Variants in GTF2F2 observed in about 807,000 individuals in gnomAD.
GTF2F2 encodes the protein general transcription factor IIF subunit 2, also known as ATP-dependent helicase GTF2F2.
A neutral mutation model predicts 42.2 loss-of-function variants in GTF2F2; 23 were observed. That is an observed-to-expected ratio of 0.55 (90% CI 0.39 to 0.77). The LOEUF is 0.77. GTF2F2 is among the 30% of genes least tolerant of loss of function. The probability of loss-of-function intolerance (pLI) is 0.00; values close to 1 mark genes in which losing one functional copy is unlikely to be tolerated. For synonymous variants in GTF2F2, 105 were observed against 100.8 expected (o/e 1.04, Z -0.25); for missense variants, 261 against 287.2 (o/e 0.91, Z 0.66).
chr13:45,183,395 C>T (rs1872255381), intron 4 of GTF2F2, among the ~76,000 whole-genome samples: 1 of 152,142 alleles, frequency 6.6e-6, no homozygotes, highest in African/African-American at 2.4e-5. Context: ...TGGCTTCCAT[C>T]CTCAGGGGGA....
chr13:45,127,938 C>CTTT (rs1161627204), intron 1 of GTF2F2, among the ~76,000 whole-genome samples: 1,067 of 48,618 alleles, frequency 0.022, 69 homozygotes, highest in Non-Finnish European at 0.025. Context: ...GCACCCCGGC[C>CTTT]TTTTTTTTTT....
At chr13:45,248,398 G>GT (rs1028092806) in intron 5 of GTF2F2, among the ~76,000 whole-genome samples, 5 of 151,782 alleles carry the variant, frequency 3.3e-5, no homozygotes, top group East Asian at 3.9e-4. Context: ...TTTGCACCAA[G>GT]TTTTTTTTGT....
chr13:45,196,279 C>G (rs984197821), intron 4 of GTF2F2, among the ~76,000 whole-genome samples: 1 of 152,114 alleles, frequency 6.6e-6, no homozygotes, highest in Non-Finnish European at 1.5e-5. Flanking sequence ...ACATTGCATT[C>G]CAGAGAATTT....
intron 4 of GTF2F2, among the ~76,000 whole-genome samples, chr13:45,182,934 C>T (rs1488276378): frequency 6.6e-6 from 1 of 152,074 alleles, no homozygotes; most frequent in Admixed American, 6.5e-5. Flanking sequence ...GTCAGGCAGG[C>T]TGGGTTCCCT....
rs1472395179 is a variant in GTF2F2, at chr13:45,267,225, G to A, written c.487-8G>A. On this transcript the variant is annotated splice_region_variant and splice_polypyrimidine_tract_variant and intron_variant, in intron 6 of 7. Coordinates refer to ENST00000340473, the MANE Select transcript of GTF2F2 (RefSeq NM_004128.3). ...GATGCTTTTATTTCCTTTGCTGTTT[G>A]CATATAGATCGAATATGAAAGGAAA... 1 of 1,606,986 alleles carries A rather than the reference G, an allele frequency of 6.2e-7. No individual in the cohort carries two copies. Among genetic ancestry groups the A allele is most frequent in the East Asian group, 2.2e-5 (1 of 44,790 alleles).
intron 4 of GTF2F2, among the ~76,000 whole-genome samples, chr13:45,155,127 G>C (rs930410899): frequency 1.3e-5 from 2 of 152,206 alleles, no homozygotes; most frequent in Non-Finnish European, 2.9e-5. Context: ...GATGGTACCA[G>C]AGCTTTCATT....
chr13:45,139,038 C>G (rs1869780177), intron 2 of GTF2F2, among the ~76,000 whole-genome samples: 1 of 152,208 alleles, frequency 6.6e-6, no homozygotes, highest in Non-Finnish European at 1.5e-5. Context: ...AGCAATGAGT[C>G]CATCTCAGCG....
At chr13:45,178,371 G>A (rs1173864205) in intron 4 of GTF2F2, among the ~76,000 whole-genome samples, 1 of 147,708 alleles carries the variant, frequency 6.8e-6, no homozygotes, top group Non-Finnish European at 1.5e-5. Context: ...GATGTCTTAT[G>A]TGGTTCTTTT....
intron 4 of GTF2F2, among the ~76,000 whole-genome samples, chr13:45,196,194 T>A (rs1384992219): frequency 6.6e-6 from 1 of 152,220 alleles, no homozygotes; most frequent in African/African-American, 2.4e-5. Context: ...ACTAGAAAAC[T>A]AAGGCATAAT....
At chr13:45,153,793 CA>C (rs1870617643) in intron 4 of GTF2F2, among the ~76,000 whole-genome samples, 1 of 151,776 alleles carries the variant, frequency 6.6e-6, no homozygotes, top group African/African-American at 2.4e-5. Flanking sequence ...ACCAGGCCAA[CA>C]TGGTGAAACC....
intron 7 of GTF2F2, among the ~76,000 whole-genome samples, chr13:45,273,244 T>A (rs577952363): frequency 1.5e-4 from 23 of 151,978 alleles, no homozygotes; most frequent in African/African-American, 4.1e-4. Flanking sequence ...GCTAATTTTT[T>A]AAAATTTTTT....
At chr13:45,134,098 T>A (rs984958112) in intron 1 of GTF2F2, among the ~76,000 whole-genome samples, 1 of 152,242 alleles carries the variant, frequency 6.6e-6, no homozygotes, top group African/African-American at 2.4e-5. Context: ...GGACATTTGC[T>A]TCTTTAACCA....
intron 4 of GTF2F2, among the ~76,000 whole-genome samples, chr13:45,154,189 T>G (rs998571265): frequency 6.6e-6 from 1 of 152,104 alleles, no homozygotes; most frequent in African/African-American, 2.4e-5. Flanking sequence ...TGAACTTTTT[T>G]TTGTAGAAAA....
chr13:45,273,211 C>T (rs908642231), intron 7 of GTF2F2, among the ~76,000 whole-genome samples: 4 of 149,812 alleles, frequency 2.7e-5, no homozygotes, highest in African/African-American at 9.8e-5. Flanking sequence ...CAGGTGTGAG[C>T]CACCGTGCCC....
rs7991499 is a variant in GTF2F2 at position 45,244,086 on chromosome 13, G to A, written c.387-8785G>A. On this transcript the variant is annotated intron_variant, in intron 5 of 7. Transcript: ENST00000340473. ...GGTGATTATGAACCATGGTTATGTC[G>A]CAATGACTTAGTGACACTGAGTTAC... Among the ~76,000 whole-genome samples the A allele has an allele frequency of 1.4e-4, 22 of 152,020 alleles. 1 individual carries two copies. The highest frequency in any genetic ancestry group is 4.6e-4 in the African/African-American group (19 of 41,458).
At chr13:45,246,808 C>T (rs766653918) in intron 5 of GTF2F2, among the ~76,000 whole-genome samples, 2 of 151,862 alleles carry the variant, frequency 1.3e-5, no homozygotes, top group Non-Finnish European at 1.5e-5. Context: ...GAGGCCAATG[C>T]GGGCGGATCA....
chr13:45,174,743 A>G (rs977002134), intron 4 of GTF2F2, among the ~76,000 whole-genome samples: 1 of 151,330 alleles, frequency 6.6e-6, no homozygotes, highest in Non-Finnish European at 1.5e-5. Context: ...TTCAGAGGGA[A>G]GGAGAGGGAG....
intron 4 of GTF2F2, among the ~76,000 whole-genome samples, chr13:45,180,088 A>G (rs1225489627): frequency 1.3e-5 from 2 of 152,200 alleles, no homozygotes; most frequent in East Asian, 1.9e-4. Flanking sequence ...ATAATCCTCA[A>G]AATAACGTCT....
In GTF2F2 at chr13:45,278,824, T is replaced by C. The variant is rs529573338; in HGVS notation, c.631-4618T>C. On this transcript the variant is annotated intron_variant, in intron 7 of 7. Transcript: ENST00000340473. ...TTTGCCTTTTTCTTTTTCTTTTTTTTTTTTTTTTTTTTTTTTTGAGGTGGA... is the reference window on the plus strand; with the variant it reads ...TTTGCCTTTTTCTTTTTCTTTTTTTCTTTTTTTTTTTTTTTTTGAGGTGGA... 6.1e-5 allele frequency among the ~76,000 whole-genome samples: 8 copies of C among 131,576 alleles called. No homozygotes were observed. In the East Asian group the frequency reaches 6.1e-4, roughly 10 times the overall value. The allele number at this position is 131,576 out of a possible 152,430, so 86.3% of individuals were successfully genotyped here.
Sources: gnomAD v4.1 joint callset for allele counts (sites outside exome capture counted in the v4.1 genomes callset) on GRCh38, gnomAD v4.1.1 for gene constraint, MANE v1.5 for transcripts, NCBI Gene and HGNC (gene_info 2026-07-23, HGNC 2026-07-21) for gene names.